Variants in ACAD9 observed in about 807,000 individuals in gnomAD.
The protein encoded by ACAD9 is complex I assembly factor ACAD9, mitochondrial.
A neutral mutation model predicts 70.2 loss-of-function variants in ACAD9; 53 were observed. That is an observed-to-expected ratio of 0.75 (90% CI 0.61 to 0.95). The LOEUF (loss-of-function observed/expected upper bound fraction) is 0.95, where lower values mean the gene tolerates loss of function less well. ACAD9 is among the 40% of genes least tolerant of loss of function. The pLI is 0.00. For missense variants in ACAD9, 777 were observed against 802.8 expected, an observed-to-expected ratio of 0.97 and a Z score of 0.39; for synonymous variants, 313 against 312.1, an observed-to-expected ratio of 1.00 and a Z score of -0.03.
At chr3:128,882,467 G>A (rs963077700) in intron 1 of ACAD9, among the ~76,000 whole-genome samples, 1 of 152,154 alleles carries the variant, frequency 6.6e-6, no homozygotes, top group African/African-American at 2.4e-5. Flanking sequence ...AGGCCCTTCT[G>A]CTGCTACTTT....
At position 128,890,258 on chromosome 3, in the gene ACAD9, G is replaced by A. The variant is rs138002771; in HGVS notation, c.245-3297G>A. On this transcript the variant is annotated intron_variant, in intron 2 of 17. Transcript: ENST00000308982. Reference sequence around the variant, plus strand: ...TGCCACCACATCTGGCTAATTTTTGGTATTTTGAGTAGAGAAGGGGCTTCA... The same window carrying A: ...TGCCACCACATCTGGCTAATTTTTGATATTTTGAGTAGAGAAGGGGCTTCA... 6.8e-3 allele frequency among the ~76,000 whole-genome samples: 1,036 copies of A among 152,126 alleles called. 7 individuals are homozygous for A. Among genetic ancestry groups the A allele is most frequent in the Admixed American group, 0.015 (227 of 15,280 alleles).
At chr3:128,893,118 G>T (rs909687478) in intron 2 of ACAD9, among the ~76,000 whole-genome samples, 2 of 151,938 alleles carry the variant, frequency 1.3e-5, no homozygotes, top group African/African-American at 4.8e-5. Flanking sequence ...GGCTGTGGTG[G>T]GAAGATTGCT....
intron 11 of ACAD9, among the ~76,000 whole-genome samples, chr3:128,905,296 T>C (rs985706168): frequency 1.3e-5 from 2 of 152,178 alleles, no homozygotes. Flanking sequence ...GAGCATCTTA[T>C]TTGGTTAAGG....
In ACAD9 at chr3:128,879,678, G is replaced by A. The variant is rs1935026995; in HGVS notation, c.-14G>A. 1 of 1,612,050 alleles carries A rather than the reference G, an allele frequency of 6.2e-7. No individual in the cohort carries two copies. The highest frequency in any genetic ancestry group is 1.7e-5 in the Admixed American group (1 of 60,002). ...AGGGGAGACTGAGGCTGAGGCTGGG[G>A]AACATCGGGCAGCATGAGCGGCTGC... On this transcript the variant is annotated 5_prime_UTR_variant, in exon 1 of 18. Coordinates refer to ENST00000308982, the MANE Select transcript of ACAD9 (RefSeq NM_014049.5).
At chr3:128,910,686 C>T (rs909857752) in intron 16 of ACAD9, 55 bp from the exon 17 acceptor site, 1 of 1,601,086 alleles carries the variant, frequency 6.2e-7, no homozygotes, top group African/African-American at 1.3e-5. Flanking sequence ...TTTTGAAGCT[C>T]AGAGGTCTGA....
intron 4 of ACAD9, 26 bp from the exon 5 acceptor site, chr3:128,896,410 C>A (rs759121641): frequency 6.2e-7 from 1 of 1,604,070 alleles, no homozygotes; most frequent in East Asian, 2.2e-5. Context: ...CCACAGCTGA[C>A]ATTAGTCTGT....
At chr3:128,893,513 A>G in intron 2 of ACAD9, 42 bp from the exon 3 acceptor site, 1 of 1,429,926 alleles carries the variant, frequency 7.0e-7, no homozygotes, top group Non-Finnish European at 9.9e-7. Flanking sequence ...ATTTGTAGAA[A>G]CATAGCTTAT....
At chr3:128,904,775 G>A (rs977399660) in intron 11 of ACAD9, among the ~76,000 whole-genome samples, 4 of 152,196 alleles carry the variant, frequency 2.6e-5, no homozygotes, top group Non-Finnish European at 4.4e-5. Flanking sequence ...CATTGCATCT[G>A]GCTTGTGTGA....
rs767638288 is a variant in ACAD9 at position 128,899,327 on chromosome 3, T to C, written c.674T>C (p.Val225Ala). 1 of 1,614,228 alleles carries C rather than the reference T, an allele frequency of 6.2e-7. No homozygotes were observed. The highest frequency in any genetic ancestry group is 8.5e-7 in the Non-Finnish European group (1 of 1,180,036). ...GGAGGACTGGCCAATATTTTTACTG[T>C]GTTTGCAAAGACTGAGGTCGTTGAT... ...TNGGLANIFT[V>A]FAKTEVVDSD... The change falls in exon 7 of 18, where the codon GTG becomes GCG. Residue 225 changes from valine to alanine, a missense_variant. By Grantham distance (64) the Val-to-Ala change is moderately conservative. Coordinates refer to ENST00000308982, the MANE Select transcript of ACAD9 (RefSeq NM_014049.5).
At chr3:128,908,695 A>G (rs1412328926) in intron 13 of ACAD9, 1 of 557,946 alleles carries the variant, frequency 1.8e-6, no homozygotes, top group East Asian at 3.2e-5. Flanking sequence ...GGCCAAGTAC[A>G]GGTTGCTAGT....
At chr3:128,903,913 G>C in intron 9 of ACAD9, 149 bp from the exon 10 acceptor site, 1 of 780,562 alleles carries the variant, frequency 1.3e-6, no homozygotes, top group Non-Finnish European at 2.2e-6. Flanking sequence ...GCTGGCAAGT[G>C]GGGGTGCCAG....
intron 4 of ACAD9, among the ~76,000 whole-genome samples, chr3:128,895,788 C>T (rs1408800092): frequency 6.6e-6 from 1 of 152,252 alleles, no homozygotes; most frequent in Admixed American, 6.5e-5. Flanking sequence ...CTTCTCCCCA[C>T]TGGGCTTGGA....
chr3:128,906,178 G>C lies in ACAD9; in HGVS notation c.1207G>C (p.Gly403Arg). Residue 403 changes from glycine (G) to arginine (R), a missense_variant, in exon 12 of 18, where the codon GGC (glycine) becomes CGC (arginine). Transcript: ENST00000308982. Reference protein sequence around the residue: ...CVSEALQILGGLGYTRDYPYE... With the variant: ...CVSEALQILGRLGYTRDYPYE... ...GAGTGAGGCGCTGCAGATCCTCGGG[G>C]GCTTGGGCTACACAAGGGACTATCC... 1.5e-5 allele frequency: 24 copies of C among 1,614,220 alleles called. No individual in the cohort carries two copies. Among genetic ancestry groups the C allele is most frequent in the Non-Finnish European group, 2.0e-5 (24 of 1,180,050 alleles).
rs745735904 is a variant in ACAD9 at position 128,912,486 on chromosome 3, ATC to A, written c.1766-16_1766-15del. The A allele has an allele frequency of 4.4e-6, 7 of 1,604,602 alleles. No individual in the cohort carries two copies. In the African/African-American group the frequency reaches 9.4e-5, roughly 21 times the overall value. On this transcript the variant is annotated intron_variant, in intron 17 of 17. Transcript: ENST00000308982. ...TCACGGTGCAGAAAGATCACCCACC[ATC>A]TCTCCTTTTCCTTCCCAGATGCTCC... is the stretch of plus-strand genomic sequence containing the variant.
chr3:128,900,825 T>A (rs1208216297), intron 7 of ACAD9, among the ~76,000 whole-genome samples: 1 of 152,124 alleles, frequency 6.6e-6, no homozygotes. Flanking sequence ...TGTGATTGTG[T>A]TAGAGTTAAG....
At chr3:128,895,211 G>A in intron 3 of ACAD9, 99 bp from the exon 4 acceptor site, 3 of 897,990 alleles carry the variant, frequency 3.3e-6, no homozygotes, top group Admixed American at 4.2e-5. Context: ...ATGGTGATCT[G>A]GCATTACTTT....
At chr3:128,903,977 G>A in intron 9 of ACAD9, 85 bp from the exon 10 acceptor site, 1 of 1,426,798 alleles carries the variant, frequency 7.0e-7, no homozygotes, top group Non-Finnish European at 9.8e-7. Flanking sequence ...CCACCTGTGG[G>A]AAGGGTAAGG....
intron 3 of ACAD9, among the ~76,000 whole-genome samples, chr3:128,894,411 T>G (rs1935507218): frequency 6.6e-6 from 1 of 152,196 alleles, no homozygotes; most frequent in African/African-American, 2.4e-5. Flanking sequence ...GTTAATTGAT[T>G]CGATGTGTGT....
rs1936460719 is a variant in ACAD9, at chr3:128,912,593, G to A, written c.1852G>A (p.Asp618Asn). The A allele has an allele frequency of 3.7e-6, 6 of 1,613,976 alleles. No individual in the cohort carries two copies. The South Asian group carries it at 6.6e-5, about 18-fold the overall frequency. Reference protein sequence around the residue: ...KRAYICAHPLDRTC With the variant: ...KRAYICAHPLNRTC ...AGCCTATATCTGTGCCCACCCTCTGGACAGGACATGCTGAGGCAGGGGACA... is the reference window on the plus strand; with the variant it reads ...AGCCTATATCTGTGCCCACCCTCTGAACAGGACATGCTGAGGCAGGGGACA... The change falls in exon 18 of 18, where the codon GAC (aspartate) becomes AAC (asparagine). Residue 618 changes from aspartate (D) to asparagine (N), a missense_variant. Asp to Asn is a conservative substitution (Grantham distance 23). Transcript: ENST00000308982.
Sources: gnomAD v4.1 joint callset for allele counts (sites outside exome capture counted in the v4.1 genomes callset) on GRCh38, gnomAD v4.1.1 for gene constraint, MANE v1.5 for transcripts, NCBI Gene and HGNC (gene_info 2026-07-23, HGNC 2026-07-21) for gene names.